EPS8L3: variants seen among roughly 807,000 people sequenced by gnomAD.
EPS8L3 encodes EPS8 signaling adaptor L3, also known as epidermal growth factor receptor kinase substrate 8-like protein 3.
Under a neutral mutation model 88.5 loss-of-function variants are expected in EPS8L3, and 80 were observed. That is an observed-to-expected ratio of 0.90 (90% CI 0.75 to 1.09). The LOEUF (loss-of-function observed/expected upper bound fraction) is 1.09, where lower values mean the gene tolerates loss of function less well. Among genes scored for constraint, EPS8L3 ranks in the 50% least tolerant of loss-of-function variants. The probability of loss-of-function intolerance (pLI) is 0.00; values close to 1 mark genes in which losing one functional copy is unlikely to be tolerated. For missense variants in EPS8L3, 721 were observed against 735.2 expected, an observed-to-expected ratio of 0.98 and a Z score of 0.22; for synonymous variants, 286 against 291.0, an observed-to-expected ratio of 0.98 and a Z score of 0.18.
Position 109,759,639 on chromosome 1 carries a change from C to A in EPS8L3, c.255+39G>T. 1 of 1,604,554 alleles carries A rather than the reference C, an allele frequency of 6.2e-7. No individual in the cohort carries two copies. The highest frequency in any genetic ancestry group is 8.5e-7 in the Non-Finnish European group (1 of 1,176,594). On this transcript the variant is annotated intron_variant, in intron 4 of 18. Coordinates refer to ENST00000361965, the MANE Select transcript of EPS8L3 (RefSeq NM_133181.4). The surrounding 1 kb of genome is among the most constrained non-coding windows in gnomAD (Gnocchi z 4.2). ...AGAGCTAGTGCTTGCTTCCCCACAG[C>A]CCAGGCTGGCTATCACTGGGTTTGC...
chr1:109,756,894 C>A (rs76524911), intron 12 of EPS8L3, 123 bp downstream of exon 12: 3 of 1,259,252 alleles, frequency 2.4e-6, no homozygotes, highest in South Asian at 2.6e-5. Context: ...TCTGTAGAGT[C>A]CCCCAAGTAG....
At position 109,751,752 on chromosome 1, in the gene EPS8L3, C is replaced by T; in HGVS notation, c.1465G>A (p.Val489Met). Residue 489 changes from valine (V) to methionine (M), a missense_variant, in exon 16 of 19, where the codon GTG (valine) becomes ATG (methionine). Coordinates refer to ENST00000361965, the MANE Select transcript of EPS8L3 (RefSeq NM_133181.4). ...CCGCTCCGTCCCGCCTCATTCTTCA[C>T]CAGCCACCACCGCTTGCTGTGGTCC... ...VLDHSKRWWL[V>M]KNEAGRSGYI... 1 of 1,613,734 alleles carries T rather than the reference C, an allele frequency of 6.2e-7. No homozygotes were observed. Among genetic ancestry groups the T allele is most frequent in the East Asian group, 2.2e-5 (1 of 44,850 alleles).
intron 13 of EPS8L3, 138 bp downstream of exon 13, chr1:109,752,979 A>T (rs541729887): frequency 1.3e-6 from 1 of 770,548 alleles, no homozygotes; most frequent in Admixed American, 2.4e-5. Flanking sequence ...TCTGGTGGTG[A>T]CTTTTGGGTT....
chr1:109,756,668 A>G lies in EPS8L3; in HGVS notation c.1118+349T>C, dbSNP rs4612652. ...CATTTGCAGCATCTCTTACGTCAGT[A>G]ATTCTTAAATCTGGGGCTGGATTGA... is the stretch of plus-strand genomic sequence containing the variant. On this transcript the variant is annotated intron_variant, in intron 12 of 18. Transcript: ENST00000361965. Among the ~76,000 whole-genome samples the G allele has an allele frequency of 2.0e-5, 3 of 152,204 alleles. No homozygotes were observed. The South Asian group carries it at 6.2e-4, about 32-fold the overall frequency.
intron 12 of EPS8L3, 99 bp from the exon 13 acceptor site, chr1:109,753,297 G>A: frequency 1.1e-6 from 1 of 942,808 alleles, no homozygotes; most frequent in South Asian, 1.7e-5. Flanking sequence ...CCTAGCCTCA[G>A]GAATCTTTTG....
intron 13 of EPS8L3, 83 bp downstream of exon 13, chr1:109,753,034 T>C (rs1649952287): frequency 7.9e-7 from 1 of 1,258,318 alleles, no homozygotes; most frequent in Non-Finnish European, 1.2e-6. Context: ...ACACTAGTTG[T>C]GTGACCATGG....
Position 109,758,044 on chromosome 1 carries a change from A to G in EPS8L3, c.732T>C (p.His244=), listed in dbSNP as rs1256983644. 1.9e-6 allele frequency: 3 copies of G among 1,613,986 alleles called. No homozygotes were observed. The highest frequency in any genetic ancestry group is 1.7e-4 in the Middle Eastern group (1 of 6,060). Residue 244 remains histidine (H), a synonymous_variant, in exon 9 of 19, where the codon CAT becomes CAC. Transcript: ENST00000361965. ...TGAACAGCTCAATGTCCCTTAGGACATGGTTCAGCACTTCCTGGGCCCCAA... is the reference window on the plus strand; with the variant it reads ...TGAACAGCTCAATGTCCCTTAGGACGTGGTTCAGCACTTCCTGGGCCCCAA... ...DPERDEEVLN[H]VLRDIELFMG...
intron 12 of EPS8L3, among the ~76,000 whole-genome samples, chr1:109,756,249 GT>G (rs1650273861): frequency 6.6e-6 from 1 of 152,096 alleles, no homozygotes; most frequent in Non-Finnish European, 1.5e-5. Flanking sequence ...GTTTTGTTTT[GT>G]TTTTTGAGAT....
At position 109,759,476 on chromosome 1, in the gene EPS8L3, T is replaced by C; in HGVS notation, c.256-89A>G. 6.4e-7 allele frequency: 1 copy of C among 1,566,198 alleles called. No homozygotes were observed. The highest frequency in any genetic ancestry group is 1.4e-5 in the African/African-American group (1 of 74,014). The stretch of plus-strand genomic sequence containing the variant: ...TGACCAGCTCATCCTAGCCCTTTGG[T>C]GGCCTAGGGCTGAGGTGTCATCTAC... On this transcript the variant is annotated intron_variant, in intron 4 of 18. Transcript: ENST00000361965. The surrounding 1 kb of genome is among the most constrained non-coding windows in gnomAD (Gnocchi z 4.2).
rs1649655629 is a variant in EPS8L3 at position 109,750,246 on chromosome 1, G to A, written c.*145C>T. 2 of 971,892 alleles carry A rather than the reference G, an allele frequency of 2.1e-6. No homozygotes were observed. The highest frequency in any genetic ancestry group is 3.2e-5 in the African/African-American group (2 of 61,570). 60.2% of individuals were successfully genotyped at this position (971,892 alleles called of 1,614,324 possible). ...ACTGTTTGCTTCAGCCTCTGGGCCT[G>A]TCCATTGTTTTTGCTGTGTGAGCTG... On this transcript the variant is annotated 3_prime_UTR_variant, in exon 19 of 19. Coordinates refer to ENST00000361965, the MANE Select transcript of EPS8L3 (RefSeq NM_133181.4).
rs779985278 is a variant in EPS8L3 at position 109,761,610 on chromosome 1, G to A, written c.32-51C>T. On this transcript the variant is annotated intron_variant, in intron 2 of 18. Transcript: ENST00000361965. Reference sequence around the variant, plus strand: ...GGAGGTGGGCAGAAGAACGAGGTGAGACTCAGGCAACTGCTGGGGGCAGTT... The same window carrying A: ...GGAGGTGGGCAGAAGAACGAGGTGAAACTCAGGCAACTGCTGGGGGCAGTT... 1.1e-5 allele frequency: 18 copies of A among 1,609,388 alleles called. No individual in the cohort carries two copies. In the Admixed American group the frequency reaches 2.8e-4, roughly 25 times the overall value.
intron 3 of EPS8L3, 55 bp downstream of exon 3, chr1:109,761,440 C>T: frequency 6.6e-7 from 1 of 1,509,870 alleles, no homozygotes; most frequent in South Asian, 1.2e-5. Context: ...GCGGTGGGCA[C>T]ATGGGAACAC....
intron 12 of EPS8L3, 79 bp from the exon 13 acceptor site, chr1:109,753,277 G>A: frequency 8.6e-7 from 1 of 1,159,846 alleles, no homozygotes; most frequent in South Asian, 1.5e-5. Context: ...ACAGGGAGGG[G>A]ACGACAGGGC....
intron 12 of EPS8L3, among the ~76,000 whole-genome samples, chr1:109,754,353 T>G (rs1363079517): frequency 6.6e-6 from 1 of 152,224 alleles, no homozygotes; most frequent in African/African-American, 2.4e-5. Flanking sequence ...ACTTATAGCT[T>G]TGGGTCAATT....
intron 2 of EPS8L3, 59 bp downstream of exon 2, chr1:109,761,660 A>T (rs1467883878): frequency 3.0e-5 from 48 of 1,609,858 alleles, no homozygotes; most frequent in Non-Finnish European, 3.7e-5. Context: ...GGAGTGGAGG[A>T]TGGGACATTC....
rs1650946381 is a variant in EPS8L3 at position 109,761,535 on chromosome 1, T to C, written c.56A>G (p.Asn19Ser). 1.9e-6 allele frequency: 3 copies of C among 1,613,280 alleles called. No individual in the cohort carries two copies. The highest frequency in any genetic ancestry group is 2.5e-6 in the Non-Finnish European group (3 of 1,179,680). ...IYLHRKEYSQ[N>S]LTSEPTLLQH... The stretch of plus-strand genomic sequence containing the variant: ...CAGGAGGGTGGGCTCTGAGGTGAGG[T>C]TCTGGGAGTACTCCTTCCGGTGCAC... Residue 19 changes from asparagine (N) to serine (S), a missense_variant, in exon 3 of 19, where the codon AAC (asparagine) becomes AGC (serine). Coordinates refer to ENST00000361965, the MANE Select transcript of EPS8L3 (RefSeq NM_133181.4).
Position 109,759,438 on chromosome 1 carries a change from T to C in EPS8L3, c.256-51A>G. On this transcript the variant is annotated intron_variant, in intron 4 of 18. Coordinates refer to ENST00000361965, the MANE Select transcript of EPS8L3 (RefSeq NM_133181.4). The surrounding 1 kb of genome is among the most constrained non-coding windows in gnomAD (Gnocchi z 4.2). ...TGAGGCCACCAGAGCTAGGTGTGGC[T>C]TCTGGGAGCTCCTGACCAGCTCATC... 1 of 1,596,994 alleles carries C rather than the reference T, an allele frequency of 6.3e-7. No homozygotes were observed. The highest frequency in any genetic ancestry group is 8.5e-7 in the Non-Finnish European group (1 of 1,171,540).
chr1:109,751,467 C>A, intron 16 of EPS8L3, 116 bp from the exon 17 acceptor site: 1 of 1,366,150 alleles, frequency 7.3e-7, no homozygotes, highest in Non-Finnish European at 1.0e-6. Flanking sequence ...TACTCTGTGG[C>A]TTTCTGGTCT....
Position 109,759,069 on chromosome 1 carries a change from C to T in EPS8L3, c.454G>A (p.Glu152Lys). 6.2e-7 allele frequency: 1 copy of T among 1,604,804 alleles called. No homozygotes were observed. Among genetic ancestry groups the T allele is most frequent in the Non-Finnish European group, 8.5e-7 (1 of 1,176,492 alleles). ...SLQKALEEEL[E>K]QRPRLGGLQP... ...TGGGCAGAGGCTGCCTACCTTTGCT[C>T]CAGCTCTTCCTCCAGAGCCTTCTGC... Residue 152 changes from glutamate to lysine, a missense_variant, in exon 6 of 19, where the codon GAG (glutamate) becomes AAG (lysine). By Grantham distance (56) the Glu-to-Lys change is moderately conservative. Transcript: ENST00000361965. The surrounding 1 kb of genome is among the most constrained non-coding windows in gnomAD (Gnocchi z 4.2).
Sources: gnomAD v4.1 joint callset for allele counts (sites outside exome capture counted in the v4.1 genomes callset) on GRCh38, gnomAD v4.1.1 for gene constraint, Gnocchi (gnomAD v3.1) non-coding constraint, MANE v1.5 for transcripts, NCBI Gene and HGNC (gene_info 2026-07-23, HGNC 2026-07-21) for gene names.